The following TAF4 variants were observed in gnomAD, a reference collection of about 807,000 sequenced individuals.
TAF4 encodes TATA-box binding protein associated factor 4.
In TAF4, 9 loss-of-function variants were observed where a neutral mutation model predicts 90.3. That is an observed-to-expected ratio of 0.10 (90% CI 0.06 to 0.17). The LOEUF is 0.17. TAF4 is among the 10% of genes least tolerant of loss of function. The pLI, the probability that TAF4 is intolerant of heterozygous loss-of-function variation, is 1.00. For missense variants in TAF4, 1,351 were observed against 1,370.7 expected, an observed-to-expected ratio of 0.99 and a Z score of 0.23; for synonymous variants, 818 against 638.9, an observed-to-expected ratio of 1.28 and a Z score of -4.23.
In TAF4 at chr20:62,006,154, G is replaced by A. The variant is rs376811815; in HGVS notation, c.2223+356C>T. On this transcript the variant is annotated intron_variant, in intron 7 of 14. Coordinates refer to ENST00000252996, the MANE Select transcript of TAF4 (RefSeq NM_003185.4). This position sits in a 1 kb window ranked among gnomAD's most constrained non-coding sequence, Gnocchi z 7.0. The stretch of plus-strand genomic sequence containing the variant: ...GCCCACCTGTCCCACGCAGGTGCCC[G>A]TGTCTTACGCTTGGACCGCTGCTCC... 1.2e-4 allele frequency: 21 copies of A among 178,248 alleles called. No individual in the cohort carries two copies. The highest frequency in any genetic ancestry group is 4.0e-4 in the African/African-American group (17 of 42,642). 11.0% of individuals were successfully genotyped at this position (178,248 alleles called of 1,614,324 possible).
At chr20:61,997,770 A>T in intron 13 of TAF4, 101 bp from the exon 14 acceptor site, 1 of 1,381,152 alleles carries the variant, frequency 7.2e-7, no homozygotes, top group Non-Finnish European at 9.6e-7. Flanking sequence ...GTAGTTTTCT[A>T]AATCATAACT....
In TAF4 at chr20:62,064,622, G is replaced by GGGTCCCGGGGGC; in HGVS notation, c.1177_1188dup (p.Ala393_Thr396dup). ...GCCGCGCCTTTGGGCAGCCCGGTGG[G>GGGTCCCGGGGGC]GGTCCCGGGGGCGGGCGGCGGGACG... On this transcript the variant is annotated inframe_insertion, in exon 1 of 15. Transcript: ENST00000252996. The GGGTCCCGGGGGC allele has an allele frequency of 2.2e-6, 3 of 1,369,278 alleles. No individual in the cohort carries two copies. The African/African-American group carries it at 4.6e-5, about 21-fold the overall frequency. The allele number at this position is 1,369,278 out of a possible 1,614,324, so 84.8% of individuals were successfully genotyped here.
intron 14 of TAF4, among the ~76,000 whole-genome samples, chr20:61,993,383 G>A (rs1046383307): frequency 2.0e-5 from 3 of 152,130 alleles, no homozygotes; most frequent in African/African-American, 7.2e-5. Context: ...GGAACAGGCA[G>A]AACTGCACCA....
intron 14 of TAF4, among the ~76,000 whole-genome samples, chr20:61,978,716 G>A (rs1230344854): frequency 6.6e-6 from 1 of 150,732 alleles, no homozygotes; most frequent in African/African-American, 2.4e-5. Context: ...CAAGGGAGGG[G>A]GCGAGACCAA....
At chr20:62,037,307 GAA>G (rs370307091) in intron 1 of TAF4, 26 of 152,130 alleles carry the variant, frequency 1.7e-4, no homozygotes, top group African/African-American at 6.0e-4. Context: ...GCACAGACCA[GAA>G]AAAAAGACAT....
chr20:61,992,729 G>A (rs1600830971), intron 14 of TAF4, among the ~76,000 whole-genome samples: 1 of 152,128 alleles, frequency 6.6e-6, no homozygotes, highest in African/African-American at 2.4e-5. Flanking sequence ...ACCAGTTCTT[G>A]GAGAAATGAC....
At chr20:62,008,578 G>A (rs1600841124) in intron 5 of TAF4, among the ~76,000 whole-genome samples, 1 of 152,198 alleles carries the variant, frequency 6.6e-6, no homozygotes, top group East Asian at 1.9e-4. Flanking sequence ...TCTGCCACTG[G>A]AGCGCGAATG....
chr20:62,040,718 A>C lies in TAF4; in HGVS notation c.1360+23733T>G, dbSNP rs566352445. ...AGAGCCAGCAAGATCTCACGGCAGC[A>C]GCACTGAGCCCGCGGATGAAACTAA... On this transcript the variant is annotated intron_variant, in intron 1 of 14. Transcript: ENST00000252996. Among the ~76,000 whole-genome samples, 400 of 152,360 alleles carry C rather than the reference A, an allele frequency of 2.6e-3. 3 individuals carry two copies. The highest frequency in any genetic ancestry group is 9.1e-3 in the African/African-American group (380 of 41,592).
intron 14 of TAF4, among the ~76,000 whole-genome samples, chr20:61,988,589 ATGAC>A (rs760651320): frequency 2.0e-5 from 3 of 152,206 alleles, no homozygotes; most frequent in Admixed American, 6.5e-5. Flanking sequence ...GAAGAAAAGA[ATGAC>A]TGAGCATCAT....
At chr20:62,028,313 A>C (rs2055885599) in intron 1 of TAF4, among the ~76,000 whole-genome samples, 1 of 152,202 alleles carries the variant, frequency 6.6e-6, no homozygotes, top group African/African-American at 2.4e-5. Context: ...GTTAACTTTA[A>C]ATGGCTGAGG....
At chr20:62,057,422 T>C (rs6089633) in intron 1 of TAF4, among the ~76,000 whole-genome samples, 83,789 of 152,116 alleles carry the variant, frequency 0.55, 23,519 homozygotes, top group Middle Eastern at 0.67. Context: ...TCAAATTTGA[T>C]AGACAGAAAA....
intron 1 of TAF4, among the ~76,000 whole-genome samples, chr20:62,026,911 G>A (rs1355166595): frequency 6.6e-6 from 1 of 152,170 alleles, no homozygotes; most frequent in Non-Finnish European, 1.5e-5. Flanking sequence ...CAAATACGCA[G>A]TTGCTCACCT....
chr20:62,062,010 A>G (rs2056091484), intron 1 of TAF4, among the ~76,000 whole-genome samples: 1 of 152,188 alleles, frequency 6.6e-6, no homozygotes, highest in African/African-American at 2.4e-5. Context: ...ACCTCCACGG[A>G]GGGAAGGCTG....
At position 61,975,992 on chromosome 20, in the gene TAF4, T is replaced by C. The variant is rs2055491879; in HGVS notation, c.*176A>G. On this transcript the variant is annotated 3_prime_UTR_variant, in exon 15 of 15. Coordinates refer to ENST00000252996, the MANE Select transcript of TAF4 (RefSeq NM_003185.4). ...CTTTAAGAGTATCCACAGGCCTTTG[T>C]GTTCTCTCTGTTACAGAAACGTGTT... 1 of 663,694 alleles carries C rather than the reference T, an allele frequency of 1.5e-6. No homozygotes were observed. The highest frequency in any genetic ancestry group is 2.7e-5 in the East Asian group (1 of 36,446). The allele number at this position is 663,694 out of a possible 1,614,324, so 41.1% of individuals were successfully genotyped here. A position where few individuals can be genotyped will look rare whatever the true frequency, so the allele number is the denominator to read the frequency against.
chr20:62,020,700 A>G (rs2055837660), intron 1 of TAF4, among the ~76,000 whole-genome samples: 1 of 152,220 alleles, frequency 6.6e-6, no homozygotes, highest in Non-Finnish European at 1.5e-5. Context: ...TGATCAAAAT[A>G]AGCAAGAAAC....
chr20:62,055,577 C>T (rs1301609942), intron 1 of TAF4, among the ~76,000 whole-genome samples: 9 of 152,240 alleles, frequency 5.9e-5, no homozygotes, highest in African/African-American at 2.2e-4. Context: ...TCAATTCACA[C>T]TGTGTACAGG....
At chr20:62,044,782 C>T (rs190381694) in intron 1 of TAF4, among the ~76,000 whole-genome samples, 4 of 152,290 alleles carry the variant, frequency 2.6e-5, no homozygotes, top group African/African-American at 9.6e-5. Flanking sequence ...ACCAGCATGA[C>T]CAGCACCCCC....
intron 13 of TAF4, 100 bp downstream of exon 13, chr20:61,998,036 C>T (rs2055674332): frequency 1.8e-6 from 2 of 1,124,490 alleles, no homozygotes; most frequent in African/African-American, 1.6e-5. Flanking sequence ...ACGCAAATGC[C>T]TATCGTACAG....
intron 1 of TAF4, among the ~76,000 whole-genome samples, chr20:62,024,845 A>G (rs2055865769): frequency 6.6e-6 from 1 of 151,854 alleles, no homozygotes; most frequent in Non-Finnish European, 1.5e-5. Context: ...ACTCCAGCCC[A>G]GGCAACACTG....
Sources: gnomAD v4.1 joint callset for allele counts (sites outside exome capture counted in the v4.1 genomes callset) on GRCh38, gnomAD v4.1.1 for gene constraint, Gnocchi (gnomAD v3.1) non-coding constraint, MANE v1.5 for transcripts, NCBI Gene and HGNC (gene_info 2026-07-23, HGNC 2026-07-21) for gene names.